The following PARD3B variants were observed in gnomAD, a reference collection of about 807,000 sequenced individuals.
PARD3B encodes the protein partitioning defective 3 homolog B.
Under a neutral mutation model 130.2 loss-of-function variants are expected in PARD3B, and 103 were observed. That is an observed-to-expected ratio of 0.79 (90% confidence interval 0.67 to 0.93). The LOEUF is 0.93. Ranked by LOEUF, PARD3B falls within the 40% of genes least tolerant of loss-of-function variation. The probability of loss-of-function intolerance (pLI) is 0.00; values close to 1 mark genes in which losing one functional copy is unlikely to be tolerated. For missense variants in PARD3B, 1,609 were observed against 1,499.2 expected (o/e 1.07, Z -1.21); for synonymous variants, 583 against 553.2 (o/e 1.05, Z -0.76).
chr2:205,001,293 A>G (rs916327860), intron 3 of PARD3B, among the ~76,000 whole-genome samples: 6 of 152,162 alleles, frequency 3.9e-5, no homozygotes, highest in East Asian at 1.9e-4. Context: ...CCAGCCTGCA[A>G]TGCTCTTTCA....
chr2:205,235,965 C>CTGAT (rs763221553), intron 15 of PARD3B, among the ~76,000 whole-genome samples: 4 of 152,108 alleles, frequency 2.6e-5, no homozygotes, highest in Non-Finnish European at 5.9e-5. Flanking sequence ...ATTAACCAGA[C>CTGAT]TGATTAGTAT....
At chr2:205,401,292 A>G (rs2046243544) in intron 19 of PARD3B, among the ~76,000 whole-genome samples, 169 bp downstream of exon 19, 1 of 152,178 alleles carries the variant, frequency 6.6e-6, no homozygotes, top group African/African-American at 2.4e-5. Context: ...GGAAATTTTT[A>G]TTCTATTTTG....
At position 204,559,778 on chromosome 2, in the gene PARD3B, G is replaced by T. The variant is rs1219749323; in HGVS notation, c.120+13659G>T. 3.9e-5 allele frequency among the ~76,000 whole-genome samples: 6 copies of T among 152,150 alleles called. No individual in the cohort carries two copies. In the East Asian group the frequency reaches 1.2e-3, roughly 29 times the overall value. ...GCACTATTCACAATAGCAAAGACTT[G>T]CAACCAACCCAAATGTCCATCAATG... On this transcript the variant is annotated intron_variant, in intron 1 of 22. Coordinates refer to ENST00000406610, the MANE Select transcript of PARD3B (RefSeq NM_001302769.2).
In PARD3B at chr2:205,121,545, G is replaced by C; in HGVS notation, c.807-46G>C. 6.5e-7 allele frequency: 1 copy of C among 1,538,366 alleles called. No homozygotes were observed. The highest frequency in any genetic ancestry group is 8.9e-7 in the Non-Finnish European group (1 of 1,121,662). ...CTCCTGGGGTACTTTAGAAGATGCT[G>C]CACCTCAAAGCAGGGTCATCATACA... On this transcript the variant is annotated intron_variant, in intron 7 of 22. Transcript: ENST00000406610. This position sits in a 1 kb window ranked among gnomAD's most constrained non-coding sequence, Gnocchi z 5.0.
chr2:204,774,719 C>G (rs1013566635), intron 2 of PARD3B, among the ~76,000 whole-genome samples: 1 of 152,146 alleles, frequency 6.6e-6, no homozygotes, highest in East Asian at 1.9e-4. Context: ...GTAAGAATAC[C>G]TTTGCATAAG....
chr2:204,581,815 ATCCTACAAAGT>A (rs1365020623), intron 1 of PARD3B, among the ~76,000 whole-genome samples: 1 of 152,194 alleles, frequency 6.6e-6, no homozygotes, highest in Non-Finnish European at 1.5e-5. Context: ...GGATGATTGC[ATCCTACAAAGT>A]TCTTGACCAG....
intron 18 of PARD3B, among the ~76,000 whole-genome samples, chr2:205,356,589 A>G (rs1476366413): frequency 6.6e-6 from 1 of 152,102 alleles, no homozygotes; most frequent in Non-Finnish European, 1.5e-5. Context: ...CTGAGCGTAC[A>G]TATAAAAGAA....
intron 22 of PARD3B, among the ~76,000 whole-genome samples, chr2:205,607,057 C>T (rs141313641): frequency 1.6e-4 from 24 of 152,220 alleles, no homozygotes; most frequent in African/African-American, 3.9e-4. Flanking sequence ...GTCTTCCAAA[C>T]GGAACCGCAC....
rs1006123829 is a variant in PARD3B at position 204,686,241 on chromosome 2, C to G, written c.181C>G (p.Pro61Ala). ...LEYTDGGILD[P>A]DDVLADVVED... The stretch of plus-strand genomic sequence containing the variant: ...ATATACAGATGGAGGAATCCTGGAT[C>G]CAGATGATGTCTTGGCAGATGTTGT... Residue 61 changes from proline (P) to alanine (A), a missense_variant, in exon 2 of 23, where the codon CCA becomes GCA. Transcript: ENST00000406610. 6.2e-6 allele frequency: 10 copies of G among 1,612,560 alleles called. No individual in the cohort carries two copies. The highest frequency in any genetic ancestry group is 8.5e-6 in the Non-Finnish European group (10 of 1,178,934).
rs1052797022 is a variant in PARD3B at position 204,664,378 on chromosome 2, C to G, written c.121-21803C>G. Among the ~76,000 whole-genome samples the G allele has an allele frequency of 5.9e-5, 9 of 152,094 alleles. No individual in the cohort carries two copies. The highest frequency in any genetic ancestry group is 2.2e-4 in the African/African-American group (9 of 41,402). On this transcript the variant is annotated intron_variant, in intron 1 of 22. Coordinates refer to ENST00000406610, the MANE Select transcript of PARD3B (RefSeq NM_001302769.2). This position sits in a 1 kb window ranked among gnomAD's most constrained non-coding sequence, Gnocchi z 5.2. ...GTTGTGTTTGCATGCACCAGATGAG[C>G]TGGAGAAGTTGTGGCCTGCAAGTAA...
chr2:205,156,933 G>T lies in PARD3B; in HGVS notation c.1435-1789G>T, dbSNP rs2034208880. ...AGTGCAAAGAGTGGTTGTCAGTCTT[G>T]CTAAGAATTAAATATAATTGCCAAA... is the stretch of plus-strand genomic sequence containing the variant. On this transcript the variant is annotated intron_variant, in intron 10 of 22. Transcript: ENST00000406610. 3.9e-5 allele frequency among the ~76,000 whole-genome samples: 6 copies of T among 152,264 alleles called. No homozygotes were observed. The South Asian group carries it at 1.2e-3, about 32-fold the overall frequency.
intron 2 of PARD3B, among the ~76,000 whole-genome samples, chr2:204,704,520 C>T (rs1264399814): frequency 2.0e-5 from 3 of 152,108 alleles, no homozygotes; most frequent in Non-Finnish European, 4.4e-5. Flanking sequence ...ATACCATGAT[C>T]ATCAAACAGT....
chr2:205,092,839 C>A (rs1254810311), intron 4 of PARD3B, among the ~76,000 whole-genome samples: 3 of 151,816 alleles, frequency 2.0e-5, no homozygotes, highest in South Asian at 4.1e-4. Context: ...AAGCTTCCAG[C>A]GATTGTGGAA....
At chr2:204,784,136 G>A (rs1222044758) in intron 2 of PARD3B, among the ~76,000 whole-genome samples, 3 of 152,148 alleles carry the variant, frequency 2.0e-5, no homozygotes, top group African/African-American at 7.2e-5. Flanking sequence ...TGATAAGCGA[G>A]TGATTGTTAA....
chr2:205,110,623 TTC>T (rs1703561419), intron 5 of PARD3B, among the ~76,000 whole-genome samples: 2 of 142,504 alleles, frequency 1.4e-5, no homozygotes, highest in Non-Finnish European at 3.1e-5. Flanking sequence ...ACAGTTTATT[TTC>T]TGTTTTTTGT....
chr2:205,395,207 G>C (rs2045984224), intron 18 of PARD3B, among the ~76,000 whole-genome samples: 1 of 152,034 alleles, frequency 6.6e-6, no homozygotes, highest in South Asian at 2.1e-4. Context: ...TGGTTGTACA[G>C]ACACTTATAC....
At chr2:204,964,921 G>A (rs1351671530) in intron 2 of PARD3B, among the ~76,000 whole-genome samples, 1 of 151,998 alleles carries the variant, frequency 6.6e-6, no homozygotes, top group African/African-American at 2.4e-5. Context: ...CTATTTTTCA[G>A]TAATAGACAA....
chr2:205,401,892 C>T (rs139990460), intron 19 of PARD3B, among the ~76,000 whole-genome samples: 356 of 152,264 alleles, frequency 2.3e-3, no homozygotes, highest in African/African-American at 7.9e-3. Flanking sequence ...TAATTCTAAG[C>T]GTTTGATTCT....
At chr2:205,399,664 T>A (rs923355732) in intron 18 of PARD3B, among the ~76,000 whole-genome samples, 2 of 152,134 alleles carry the variant, frequency 1.3e-5, no homozygotes, top group Non-Finnish European at 2.9e-5. Context: ...TGCATCTTCT[T>A]TTTTTATTTC....
Sources: gnomAD v4.1 joint callset for allele counts (sites outside exome capture counted in the v4.1 genomes callset) on GRCh38, gnomAD v4.1.1 for gene constraint, Gnocchi (gnomAD v3.1) non-coding constraint, MANE v1.5 for transcripts, NCBI Gene and HGNC (gene_info 2026-07-23, HGNC 2026-07-21) for gene names.